The following SLC8A3 variants were observed in gnomAD, a reference collection of about 807,000 sequenced individuals.
The protein encoded by SLC8A3 is solute carrier family 8 member A3.
A neutral mutation model predicts 65.4 loss-of-function variants in SLC8A3; 37 were observed. The ratio of observed to expected loss-of-function variants is 0.57; its 90% CI spans 0.44 to 0.74. The LOEUF (loss-of-function observed/expected upper bound fraction) is 0.74. Ranked by LOEUF, SLC8A3 falls within the 30% of genes least tolerant of loss-of-function variation. The pLI, the probability that SLC8A3 is intolerant of heterozygous loss-of-function variation, is 0.00. For synonymous variants in SLC8A3, 461 were observed against 444.5 expected, an observed-to-expected ratio of 1.04 and a Z score of -0.47; for missense variants, 1,112 against 1,172.1, an observed-to-expected ratio of 0.95 and a Z score of 0.75.
At chr14:70,060,960 AGAGT>A in intron 2 of SLC8A3, 21 bp from the exon 3 acceptor site, 1 of 1,148,616 alleles carries the variant, frequency 8.7e-7, no homozygotes. Context: ...AACAAGAGAG[AGAGT>A]GTGTCGACTG....
chr14:70,122,026 G>A (rs971556109), intron 2 of SLC8A3, among the ~76,000 whole-genome samples: 1 of 152,096 alleles, frequency 6.6e-6, no homozygotes, highest in Non-Finnish European at 1.5e-5. Flanking sequence ...GACTCACTTA[G>A]GAGGCGAGCT....
At chr14:70,128,204 C>G (rs1023992562) in intron 2 of SLC8A3, among the ~76,000 whole-genome samples, 1 of 152,218 alleles carries the variant, frequency 6.6e-6, no homozygotes, top group Non-Finnish European at 1.5e-5. Context: ...GTATCCAAAT[C>G]TAGTTATCAT....
chr14:70,075,392 T>C (rs1890410877), intron 2 of SLC8A3, among the ~76,000 whole-genome samples: 1 of 152,156 alleles, frequency 6.6e-6, no homozygotes, highest in African/African-American at 2.4e-5. Flanking sequence ...CGCGTATCCT[T>C]CTTATTTTTA....
At chr14:70,051,951 T>C in intron 4 of SLC8A3, 39 bp downstream of exon 4, 1 of 1,579,166 alleles carries the variant, frequency 6.3e-7, no homozygotes, top group Non-Finnish European at 8.7e-7. Flanking sequence ...CCCACTTTAA[T>C]TTATTTATTA....
In SLC8A3 at chr14:70,150,246, A is replaced by G. The variant is rs56092295; in HGVS notation, c.1784+16393T>C. 5.1e-3 allele frequency among the ~76,000 whole-genome samples: 781 copies of G among 152,318 alleles called. 10 individuals are homozygous for G. The highest frequency in any genetic ancestry group is 0.017 in the African/African-American group (710 of 41,570). On this transcript the variant is annotated intron_variant, in intron 2 of 6. Transcript: ENST00000356921. ...TATTCAATCCTCACAATAACCCTAT[A>G]AGGTAGGTGCTATTATTAGCCATGT...
intron 3 of SLC8A3, among the ~76,000 whole-genome samples, chr14:70,055,221 T>C (rs1179932148): frequency 3.3e-5 from 5 of 152,236 alleles, no homozygotes; most frequent in Admixed American, 1.3e-4. Context: ...TCACGGCACA[T>C]AGGACTTTAA....
At chr14:70,121,147 T>C (rs1894025223) in intron 2 of SLC8A3, among the ~76,000 whole-genome samples, 1 of 152,056 alleles carries the variant, frequency 6.6e-6, no homozygotes, top group Non-Finnish European at 1.5e-5. Flanking sequence ...CCCCCCAAAA[T>C]GAGCCTATGG....
intron 2 of SLC8A3, among the ~76,000 whole-genome samples, chr14:70,141,727 G>C (rs1895590631): frequency 6.6e-6 from 1 of 152,190 alleles, no homozygotes; most frequent in Non-Finnish European, 1.5e-5. Context: ...CAAGGAAATA[G>C]CGTTTAGTTT....
intron 2 of SLC8A3, among the ~76,000 whole-genome samples, chr14:70,066,027 G>A (rs1043022190): frequency 2.0e-5 from 3 of 152,210 alleles, no homozygotes; most frequent in Non-Finnish European, 4.4e-5. Flanking sequence ...AGCATGGCTC[G>A]TGCTGTTTTG....
chr14:70,149,307 T>C (rs1896119249), intron 2 of SLC8A3, among the ~76,000 whole-genome samples: 1 of 152,148 alleles, frequency 6.6e-6, no homozygotes, highest in South Asian at 2.1e-4. Context: ...GTTAATTCCT[T>C]AGTTACTGAA....
chr14:70,169,185 C>T (rs1263093702), intron 1 of SLC8A3, among the ~76,000 whole-genome samples: 1 of 152,208 alleles, frequency 6.6e-6, no homozygotes, highest in African/African-American at 2.4e-5. Flanking sequence ...TGGAAAGAAA[C>T]TTCCTCCCCG....
At chr14:70,056,083 C>G (rs1016123755) in intron 3 of SLC8A3, among the ~76,000 whole-genome samples, 20 of 152,102 alleles carry the variant, frequency 1.3e-4, no homozygotes, top group African/African-American at 4.8e-4. Flanking sequence ...TACCCTAGGG[C>G]TAGGAATGGA....
chr14:70,159,730 C>G (rs534382798), intron 2 of SLC8A3, among the ~76,000 whole-genome samples: 178 of 152,286 alleles, frequency 1.2e-3, no homozygotes, highest in Non-Finnish European at 2.1e-3. Flanking sequence ...ATGGCAGGAT[C>G]CCCACCTGTA....
At chr14:70,114,221 G>A (rs900473796) in intron 2 of SLC8A3, among the ~76,000 whole-genome samples, 11 of 152,222 alleles carry the variant, frequency 7.2e-5, no homozygotes, top group African/African-American at 2.2e-4. Context: ...TACAGTGCTG[G>A]GCTTCAGCAC....
At chr14:70,067,737 G>A (rs1889594661) in intron 2 of SLC8A3, among the ~76,000 whole-genome samples, 1 of 152,192 alleles carries the variant, frequency 6.6e-6, no homozygotes, top group African/African-American at 2.4e-5. Flanking sequence ...TAGATCCCCA[G>A]TTTACTTAAC....
In SLC8A3 at chr14:70,048,836, C is replaced by T. The variant is rs778799527; in HGVS notation, c.2320G>A (p.Gly774Ser). Reference protein sequence around the residue: ...AIIGDLASHFGCTIGLKDSVT... With the variant: ...AIIGDLASHFSCTIGLKDSVT... Reference sequence around the variant, plus strand: ...GAATCTTTGAGACCAATGGTGCAGCCGAAGTGCGAGGCCAGGTCCCCAATG... The same window carrying T: ...GAATCTTTGAGACCAATGGTGCAGCTGAAGTGCGAGGCCAGGTCCCCAATG... The change falls in exon 6 of 7, where the codon GGC (glycine) becomes AGC (serine). Residue 774 changes from glycine to serine, a missense_variant. Coordinates refer to ENST00000356921, the MANE Select transcript of SLC8A3 (RefSeq NM_182932.3). 6.8e-6 allele frequency: 11 copies of T among 1,613,938 alleles called. No homozygotes were observed. Among genetic ancestry groups the T allele is most frequent in the South Asian group, 5.5e-5 (5 of 91,022 alleles).
At chr14:70,051,501 A>T (rs902950137) in intron 4 of SLC8A3, among the ~76,000 whole-genome samples, 1 of 152,006 alleles carries the variant, frequency 6.6e-6, no homozygotes, top group African/African-American at 2.4e-5. Context: ...GAGTCTCCCT[A>T]TGTTGCCCAG....
chr14:70,076,327 A>G (rs1890516218), intron 2 of SLC8A3, among the ~76,000 whole-genome samples: 1 of 152,066 alleles, frequency 6.6e-6, no homozygotes, highest in South Asian at 2.1e-4. Context: ...TTTATCTGTA[A>G]GTGGTCTGTT....
chr14:70,172,694 A>G (rs529731408), intron 1 of SLC8A3, among the ~76,000 whole-genome samples: 5 of 152,132 alleles, frequency 3.3e-5, no homozygotes, highest in East Asian at 1.9e-4. Context: ...AAAAAAAAAA[A>G]AGAGAGACAC....
Sources: gnomAD v4.1 joint callset for allele counts (sites outside exome capture counted in the v4.1 genomes callset) on GRCh38, gnomAD v4.1.1 for gene constraint, MANE v1.5 for transcripts, NCBI Gene and HGNC (gene_info 2026-07-23, HGNC 2026-07-21) for gene names.